Variants in EVPL observed in about 807,000 individuals in gnomAD.
EVPL encodes envoplakin, also known as 210 kDa cornified envelope precursor protein.
In EVPL, 94 loss-of-function variants were observed where a neutral mutation model predicts 129.7. The observed-to-expected ratio is 0.72, with a 90% CI of 0.61 to 0.86. The LOEUF is 0.86. EVPL is among the 40% of genes least tolerant of loss of function. The pLI, the probability that EVPL is intolerant of heterozygous loss-of-function variation, is 0.00. For missense variants in EVPL, 2,625 were observed against 2,721.1 expected, an observed-to-expected ratio of 0.96 and a Z score of 0.79; for synonymous variants, 1,172 against 1,191.1, an observed-to-expected ratio of 0.98 and a Z score of 0.33.
chr17:76,009,683 G>A lies in EVPL; in HGVS notation c.3522C>T (p.Ser1174=), dbSNP rs376995768. 4.3e-6 allele frequency: 7 copies of A among 1,613,236 alleles called. No individual in the cohort carries two copies. Among genetic ancestry groups the A allele is most frequent in the African/African-American group, 4.0e-5 (3 of 74,916 alleles). The change falls in exon 22 of 22, where the codon AGC becomes AGT. Residue 1174 remains serine (S), a synonymous_variant. Transcript: ENST00000301607. The surrounding 1 kb of genome is among the most constrained non-coding windows in gnomAD (Gnocchi z 5.9). ...TKNATLAREL[S]DLHSKYSVVE... ...CCACGCTGTACTTGCTGTGCAGGTC[G>A]CTCAGCTCCCTGGCCAGCGTCGCGT... is the stretch of plus-strand genomic sequence containing the variant.
Position 76,021,743 on chromosome 17 carries a change from G to T in EVPL, c.846C>A (p.Ser282Arg). ...KQHELLSQEQ[S>R]VNQLEDDGER... ...CGCCGTCGTCCTCCAGCTGGTTCAC[G>T]CTCTGCTCCTGGCTCAGCAGCTCGT... is the stretch of plus-strand genomic sequence containing the variant. The change falls in exon 8 of 22, where the codon AGC (serine) becomes AGA (arginine). Residue 282 changes from serine (S) to arginine (R), a missense_variant. Physicochemically the swap from Ser to Arg is moderately radical, Grantham distance 110. Coordinates refer to ENST00000301607, the MANE Select transcript of EVPL (RefSeq NM_001988.4). 6.2e-7 allele frequency: 1 copy of T among 1,609,990 alleles called. No homozygotes were observed. Among genetic ancestry groups the T allele is most frequent in the African/African-American group, 1.3e-5 (1 of 74,964 alleles).
In EVPL at chr17:76,007,490, G is replaced by A. The variant is rs138861308; in HGVS notation, c.5715C>T (p.Gly1905=). The part of the protein sequence containing the change: ...RLLNAQKAFT[G]IEDPVTKKRL... The stretch of plus-strand genomic sequence containing the variant: ...TCTTCTTGGTGACGGGGTCCTCGAT[G>A]CCGGTGAAGGCCTTCTGGGCGTTAA... The change falls in exon 22 of 22, where the codon GGC becomes GGT. Residue 1905 remains glycine (G), a synonymous_variant. Coordinates refer to ENST00000301607, the MANE Select transcript of EVPL (RefSeq NM_001988.4). The surrounding 1 kb of genome is among the most constrained non-coding windows in gnomAD (Gnocchi z 8.8). The A allele has an allele frequency of 8.8e-5, 142 of 1,612,864 alleles. No individual in the cohort carries two copies. The highest frequency in any genetic ancestry group is 1.7e-4 in the Admixed American group (10 of 59,976).
chr17:76,017,336 G>A (rs2066424691), intron 14 of EVPL, among the ~76,000 whole-genome samples: 1 of 152,188 alleles, frequency 6.6e-6, no homozygotes, highest in Non-Finnish European at 1.5e-5. Context: ...TTTACACAAT[G>A]CTGCAACCTC....
rs762933294 is a variant in EVPL at position 76,010,588 on chromosome 17, T to C, written c.2662-45A>G. The C allele has an allele frequency of 8.4e-6, 13 of 1,540,718 alleles. No individual in the cohort carries two copies. The South Asian group carries it at 1.6e-4, about 19-fold the overall frequency. On this transcript the variant is annotated intron_variant, in intron 21 of 21. Transcript: ENST00000301607. ...TAGAGCACGGGGTGGGCGGTAGAGATAGGAGCTCCATGTTTTTCCTGAGAT... is the reference window on the plus strand; with the variant it reads ...TAGAGCACGGGGTGGGCGGTAGAGACAGGAGCTCCATGTTTTTCCTGAGAT...
In EVPL at chr17:76,024,189, C is replaced by A; in HGVS notation, c.99-69G>T. 1 of 1,414,144 alleles carries A rather than the reference C, an allele frequency of 7.1e-7. No individual in the cohort carries two copies. The highest frequency in any genetic ancestry group is 9.8e-7 in the Non-Finnish European group (1 of 1,017,692). The allele number at this position is 1,414,144 out of a possible 1,614,324, so 87.6% of individuals were successfully genotyped here. The stretch of plus-strand genomic sequence containing the variant: ...CCTCTGTGCCCCATCCAGGTGGCAT[C>A]CCCTGCCCTCCCTCCACCCCATCCT... On this transcript the variant is annotated intron_variant, in intron 1 of 21. Coordinates refer to ENST00000301607, the MANE Select transcript of EVPL (RefSeq NM_001988.4). The surrounding 1 kb of genome is among the most constrained non-coding windows in gnomAD (Gnocchi z 4.5).
chr17:76,018,073 G>A (rs2066430393), intron 13 of EVPL, 88 bp downstream of exon 13: 12 of 1,533,854 alleles, frequency 7.8e-6, no homozygotes, highest in Non-Finnish European at 1.1e-5. Context: ...CTAACCCAAG[G>A]CGACCCCTGC....
Position 76,007,487 on chromosome 17 carries a change from G to A in EVPL, c.5718C>T (p.Ile1906=), listed in dbSNP as rs777708208. ...GCCTCTTCTTGGTGACGGGGTCCTC[G>A]ATGCCGGTGAAGGCCTTCTGGGCGT... ...LLNAQKAFTG[I]EDPVTKKRLS... is the part of the protein sequence containing the mutation. Residue 1906 remains isoleucine (I), a synonymous_variant, in exon 22 of 22, where the codon ATC becomes ATT. Transcript: ENST00000301607. The surrounding 1 kb of genome is among the most constrained non-coding windows in gnomAD (Gnocchi z 8.8). The A allele has an allele frequency of 8.7e-6, 14 of 1,612,500 alleles. No homozygotes were observed. The highest frequency in any genetic ancestry group is 6.7e-5 in the African/African-American group (5 of 74,878).
In EVPL at chr17:76,008,540, C is replaced by CT; in HGVS notation, c.4664dup (p.Glu1556GlyfsTer10). 1 of 1,608,044 alleles carries CT rather than the reference C, an allele frequency of 6.2e-7. No homozygotes were observed. The highest frequency in any genetic ancestry group is 8.5e-7 in the Non-Finnish European group (1 of 1,179,632). ...TGCGCTCCCGCAGGCGCCGTGCCTCCTCCTCCCGGGCCTGCCGGGCCGTGC... is the reference window on the plus strand; with the variant it reads ...TGCGCTCCCGCAGGCGCCGTGCCTCCTTCCTCCCGGGCCTGCCGGGCCGTGC... On this transcript the variant is annotated frameshift_variant, in exon 22 of 22. Transcript: ENST00000301607. LOFTEE classifies it low-confidence loss of function (END_TRUNC). The surrounding 1 kb of genome is among the most constrained non-coding windows in gnomAD (Gnocchi z 7.4).
At position 76,008,578 on chromosome 17, in the gene EVPL, G is replaced by T; in HGVS notation, c.4627C>A (p.Leu1543Ile). The stretch of plus-strand genomic sequence containing the variant: ...TGCCGGGCCGTGCGCTCCCTGTTGA[G>T]CATCTCCCACACGCGGGCCCGCTCA... The part of the protein sequence containing the change: ...EDERARVWEM[L>I]NRERTARQAR... The change falls in exon 22 of 22, where the codon CTC becomes ATC. Residue 1543 changes from leucine to isoleucine, a missense_variant. Around this residue, in one of 4 missense-constraint regions of EVPL, gnomAD observed 1,453 missense variants for 1,511.8 expected, o/e 0.96. Transcript: ENST00000301607. This position sits in a 1 kb window ranked among gnomAD's most constrained non-coding sequence, Gnocchi z 7.4. 1 of 1,610,814 alleles carries T rather than the reference G, an allele frequency of 6.2e-7. No homozygotes were observed. The highest frequency in any genetic ancestry group is 8.5e-7 in the Non-Finnish European group (1 of 1,180,012).
Position 76,010,218 on chromosome 17 carries a change from G to A in EVPL, c.2987C>T (p.Ala996Val), listed in dbSNP as rs2066365456. Residue 996 changes from alanine to valine, a missense_variant, in exon 22 of 22, where the codon GCA becomes GTA. Around this residue, in one of 4 missense-constraint regions of EVPL, gnomAD observed 1,453 missense variants for 1,511.8 expected, o/e 0.96. Coordinates refer to ENST00000301607, the MANE Select transcript of EVPL (RefSeq NM_001988.4). ...RAGLQADLEV[A>V]AQKVVQLESK... ...TTCCAGCTGCACGACCTTCTGGGCT[G>A]CCACTTCCAGGTCTGCCTGCAGGCC... 1 of 1,613,766 alleles carries A rather than the reference G, an allele frequency of 6.2e-7. No homozygotes were observed. The highest frequency in any genetic ancestry group is 8.5e-7 in the Non-Finnish European group (1 of 1,180,020).
rs373559433 is a variant in EVPL at position 76,009,845 on chromosome 17, G to C, written c.3360C>G (p.Ile1120Met). Residue 1120 changes from isoleucine (I) to methionine (M), a missense_variant, in exon 22 of 22, where the codon ATC becomes ATG. By Grantham distance (10) the Ile-to-Met change is conservative (BLOSUM62 1). Around this residue, in one of 4 missense-constraint regions of EVPL, gnomAD observed 1,453 missense variants for 1,511.8 expected, o/e 0.96. Transcript: ENST00000301607. This position sits in a 1 kb window ranked among gnomAD's most constrained non-coding sequence, Gnocchi z 5.9. ...AGCTGATAGCCCGCTCCAGGTCTTC[G>C]ATGCGAGCCTGTAGCTTGGCCACAG... is the stretch of plus-strand genomic sequence containing the variant. ...EEAVAKLQAR[I>M]EDLERAISSV... 2.0e-5 allele frequency: 32 copies of C among 1,613,772 alleles called. 1 individual carries two copies. The Middle Eastern group carries it at 4.9e-4, about 25-fold the overall frequency.
Position 76,018,130 on chromosome 17 carries a change from C to A in EVPL, c.1537+31G>T, listed in dbSNP as rs1049320157. The A allele has an allele frequency of 5.8e-6, 9 of 1,550,492 alleles. No individual in the cohort carries two copies. In the Admixed American group the frequency reaches 1.4e-4, roughly 24 times the overall value. ...TCGGAATCTACTCCTTCTAGCCCCA[C>A]AGCCACCTCTCCCCGGGCCACCCTG... On this transcript the variant is annotated intron_variant, in intron 13 of 21. Coordinates refer to ENST00000301607, the MANE Select transcript of EVPL (RefSeq NM_001988.4).
chr17:76,014,336 C>T, intron 18 of EVPL, 90 bp downstream of exon 18: 1 of 1,480,110 alleles, frequency 6.8e-7, no homozygotes, highest in South Asian at 1.3e-5. Flanking sequence ...GCCTCCGTGG[C>T]CTGGGCTTTG....
intron 9 of EVPL, among the ~76,000 whole-genome samples, chr17:76,020,312 C>G (rs1304086538): frequency 6.6e-6 from 1 of 152,150 alleles, no homozygotes; most frequent in East Asian, 1.9e-4. Flanking sequence ...TATTTGTGCA[C>G]TGAACTTAAT....
At position 76,022,019 on chromosome 17, in the gene EVPL, A is replaced by C. The variant is rs752117730; in HGVS notation, c.655T>G (p.Ser219Ala). 3 of 1,554,980 alleles carry C rather than the reference A, an allele frequency of 1.9e-6. No homozygotes were observed. The South Asian group carries it at 3.5e-5, about 18-fold the overall frequency. Residue 219 changes from serine to alanine, a missense_variant, in exon 7 of 22, where the codon TCG (serine) becomes GCG (alanine). Transcript: ENST00000301607. This position sits in a 1 kb window ranked among gnomAD's most constrained non-coding sequence, Gnocchi z 5.6. ...SQYRDLLKAA[S>A]WRGQSLGSLY... ...CTGCCCAGGCTCTGCCCGCGCCACG[A>C]CGCCGCCTTCTGTGCTCAGGACCCG... is the stretch of plus-strand genomic sequence containing the variant.
Position 76,013,010 on chromosome 17 carries a change from C to T in EVPL, c.2374-921G>A, listed in dbSNP as rs531622851. Among the ~76,000 whole-genome samples, 1 of 152,280 alleles carries T rather than the reference C, an allele frequency of 6.6e-6. No homozygotes were observed. The highest frequency in any genetic ancestry group is 1.9e-4 in the East Asian group (1 of 5,166). On this transcript the variant is annotated intron_variant, in intron 18 of 21. Coordinates refer to ENST00000301607, the MANE Select transcript of EVPL (RefSeq NM_001988.4). This position sits in a 1 kb window ranked among gnomAD's most constrained non-coding sequence, Gnocchi z 4.3. Reference sequence around the variant, plus strand: ...CCGCCCGCCTTGGCCTCCCAAAGTGCTGGGATTACAGGCGTGAGCCACCGC... The same window carrying T: ...CCGCCCGCCTTGGCCTCCCAAAGTGTTGGGATTACAGGCGTGAGCCACCGC...
In EVPL at chr17:76,009,951, T is replaced by C. The variant is rs927536707; in HGVS notation, c.3254A>G (p.Asn1085Ser). The C allele has an allele frequency of 1.2e-6, 2 of 1,614,024 alleles. No individual in the cohort carries two copies. The highest frequency in any genetic ancestry group is 1.7e-6 in the Non-Finnish European group (2 of 1,180,040). The change falls in exon 22 of 22, where the codon AAT becomes AGT. Residue 1085 changes from asparagine (N) to serine (S), a missense_variant. By Grantham distance (46) the Asn-to-Ser change is conservative (BLOSUM62 1). Around this residue, in one of 4 missense-constraint regions of EVPL, gnomAD observed 1,453 missense variants for 1,511.8 expected, o/e 0.96. Transcript: ENST00000301607. This position sits in a 1 kb window ranked among gnomAD's most constrained non-coding sequence, Gnocchi z 5.9. ...VVKEVVKVEK[N>S]LEMVKAAQAL... ...CTGGGCTGCCTTGACCATTTCCAGA[T>C]TCTTCTCCACCTTGACTACCTCTTT...
At chr17:76,012,136 C>T (rs370332591) in intron 18 of EVPL, 47 bp from the exon 19 acceptor site, 45 of 1,443,966 alleles carry the variant, frequency 3.1e-5, no homozygotes, top group Middle Eastern at 4.8e-4. Context: ...ATGCCAATCA[C>T]CCTGACTCTC....
In EVPL at chr17:76,023,301, C is replaced by T; in HGVS notation, c.471G>A (p.Glu157=). The T allele has an allele frequency of 6.2e-7, 1 of 1,613,954 alleles. No individual in the cohort carries two copies. Among genetic ancestry groups the T allele is most frequent in the Non-Finnish European group, 8.5e-7 (1 of 1,180,012 alleles). ...ACTTTGAGTTCCTGACCTGTTTCTGCTCCAGCACGCGTGCCCAGTCGACCC... is the reference window on the plus strand; with the variant it reads ...ACTTTGAGTTCCTGACCTGTTTCTGTTCCAGCACGCGTGCCCAGTCGACCC... The part of the protein sequence containing the change: ...GPRVDWARVL[E]QKQKQVCAGQ... The change falls in exon 4 of 22, where the codon GAG becomes GAA. Residue 157 remains glutamate (E), a synonymous_variant. Coordinates refer to ENST00000301607, the MANE Select transcript of EVPL (RefSeq NM_001988.4).
Sources: gnomAD v4.1 joint callset for allele counts (sites outside exome capture counted in the v4.1 genomes callset) on GRCh38, gnomAD v4.1.1 for gene constraint, gnomAD v4.1.1 regional missense constraint, Gnocchi (gnomAD v3.1) non-coding constraint, MANE v1.5 for transcripts, NCBI Gene and HGNC (gene_info 2026-07-23, HGNC 2026-07-21) for gene names.